The following CEP192 variants were observed in gnomAD, a reference collection of about 807,000 sequenced individuals.
The protein encoded by CEP192 is centrosomal protein 192.
CEP192 carries 151 observed loss-of-function variants against 271.8 expected under a neutral mutation model. That is an observed-to-expected ratio of 0.56 (90% confidence interval 0.49 to 0.64). The LOEUF is 0.64. Ranked by LOEUF, CEP192 falls within the 30% of genes least tolerant of loss-of-function variation. The pLI is 0.00. For synonymous variants in CEP192, 995 were observed against 1,076.5 expected, an observed-to-expected ratio of 0.92 and a Z score of 1.48; for missense variants, 2,910 against 3,020.5, an observed-to-expected ratio of 0.96 and a Z score of 0.86.
At chr18:13,057,064 T>G (rs1032591948) in intron 19 of CEP192, among the ~76,000 whole-genome samples, 1 of 152,184 alleles carries the variant, frequency 6.6e-6, no homozygotes, top group Non-Finnish European at 1.5e-5. Context: ...GGCAGCACTC[T>G]CGGGTGCATT....
At chr18:13,031,573 C>T (rs1001762125) in intron 11 of CEP192, among the ~76,000 whole-genome samples, 5 of 152,044 alleles carry the variant, frequency 3.3e-5, no homozygotes, top group Non-Finnish European at 5.9e-5. Flanking sequence ...AATAGGCTTG[C>T]GCCAGAGGAA....
Position 13,105,041 on chromosome 18 carries a change from C to T in CEP192, c.7009C>T (p.Pro2337Ser). 1.2e-6 allele frequency: 2 copies of T among 1,614,056 alleles called. No individual in the cohort carries two copies. The highest frequency in any genetic ancestry group is 1.7e-6 in the Non-Finnish European group (2 of 1,179,904). ...RATYAAFRCS[P>S]ISGLLESHGI... ...TACCTATGCAGCATTCAGATGTTCT[C>T]CTATTTCTGGTCTGCTGGAAAGCCA... The change falls in exon 40 of 45, where the codon CCT becomes TCT. Residue 2337 changes from proline (P) to serine (S), a missense_variant. Physicochemically the swap from Pro to Ser is moderately conservative, Grantham distance 74. Coordinates refer to ENST00000506447, the MANE Select transcript of CEP192 (RefSeq NM_032142.4).
rs2036691603 is a variant in CEP192, at chr18:13,049,994, C to T, written c.3017+103C>T. On this transcript the variant is annotated intron_variant, in intron 17 of 44. Transcript: ENST00000506447. ...AAAAATTATCTGTGCATTCGTCTCT[C>T]AAAGGTAACTCTTGTAAGCTGTGAA... The T allele has an allele frequency of 6.5e-6, 6 of 928,580 alleles. No individual in the cohort carries two copies. In the South Asian group the frequency reaches 1.1e-4, roughly 17 times the overall value. The allele number at this position is 928,580 out of a possible 1,614,324, so 57.5% of individuals were successfully genotyped here.
intron 33 of CEP192, among the ~76,000 whole-genome samples, chr18:13,090,998 A>G (rs914073713): frequency 5.3e-5 from 8 of 152,220 alleles, no homozygotes; most frequent in African/African-American, 1.9e-4. Flanking sequence ...CACTGGATGC[A>G]GAGGTACTGG....
intron 11 of CEP192, among the ~76,000 whole-genome samples, chr18:13,032,852 G>A (rs577839606): frequency 6.6e-6 from 1 of 152,320 alleles, no homozygotes; most frequent in Admixed American, 6.5e-5. Context: ...ATGAGAATGA[G>A]TGATGTGAAG....
At chr18:13,044,854 A>G (rs1408479585) in intron 15 of CEP192, among the ~76,000 whole-genome samples, 1 of 152,102 alleles carries the variant, frequency 6.6e-6, no homozygotes. Context: ...GCTTTTTTAA[A>G]GATTTTGGTA....
chr18:12,993,684 T>G (rs975818207), intron 1 of CEP192, among the ~76,000 whole-genome samples: 2 of 152,310 alleles, frequency 1.3e-5, no homozygotes, highest in East Asian at 3.9e-4. Context: ...GGGGCCAGAC[T>G]TGCCTAGGTG....
chr18:13,027,364 C>T (rs1250217324), intron 9 of CEP192, among the ~76,000 whole-genome samples: 3 of 152,174 alleles, frequency 2.0e-5, no homozygotes, highest in African/African-American at 7.2e-5. Flanking sequence ...GGTTGTGCTG[C>T]AAGTAAAACT....
chr18:13,016,793 C>G (rs897746297), intron 6 of CEP192, among the ~76,000 whole-genome samples: 6 of 152,138 alleles, frequency 3.9e-5, no homozygotes, highest in African/African-American at 1.4e-4. Flanking sequence ...CCTCCCTCCT[C>G]CCTCCTTCCT....
chr18:13,058,846 CT>C lies in CEP192; in HGVS notation c.4258-234del. Reference sequence around the variant, plus strand: ...GTGAGTGTAAGGGTCAATGTGCTTGCTTGGAGGTGGACTGGGGAGACAGCCT... The same window carrying C: ...GTGAGTGTAAGGGTCAATGTGCTTGCTGGAGGTGGACTGGGGAGACAGCCT... On this transcript the variant is annotated intron_variant, in intron 20 of 44. Coordinates refer to ENST00000506447, the MANE Select transcript of CEP192 (RefSeq NM_032142.4). The C allele has an allele frequency of 3.8e-5, 20 of 525,452 alleles. No individual in the cohort carries two copies. In the South Asian group the frequency reaches 4.2e-4, roughly 11 times the overall value. 32.5% of individuals were successfully genotyped at this position (525,452 alleles called of 1,614,324 possible).
At chr18:13,016,316 C>G (rs2034643803) in intron 6 of CEP192, among the ~76,000 whole-genome samples, 1 of 152,090 alleles carries the variant, frequency 6.6e-6, no homozygotes, top group African/African-American at 2.4e-5. Context: ...GCTGTAAGCA[C>G]GTGGGTTGTG....
intron 30 of CEP192, among the ~76,000 whole-genome samples, chr18:13,077,641 G>A (rs982284962): frequency 6.6e-6 from 1 of 152,170 alleles, no homozygotes; most frequent in African/African-American, 2.4e-5. Context: ...ACTCTAGTGT[G>A]CTGCTTCCTC....
chr18:13,059,335 T>G (rs765247462), intron 21 of CEP192, 23 bp downstream of exon 21: 4 of 1,568,958 alleles, frequency 2.5e-6, no homozygotes, highest in Admixed American at 1.7e-5. Flanking sequence ...AAATGAATCT[T>G]TGTCATACCT....
At chr18:13,120,628 T>C (rs2040617244) in intron 44 of CEP192, among the ~76,000 whole-genome samples, 1 of 152,240 alleles carries the variant, frequency 6.6e-6, no homozygotes, top group Non-Finnish European at 1.5e-5. Context: ...TTTAAAACTT[T>C]AATGCTTTGA....
Position 13,105,039 on chromosome 18 carries a change from C to T in CEP192, c.7007C>T (p.Ser2336Phe). ...FRATYAAFRC[S>F]PISGLLESHG... The stretch of plus-strand genomic sequence containing the variant: ...GCTACCTATGCAGCATTCAGATGTT[C>T]TCCTATTTCTGGTCTGCTGGAAAGC... The change falls in exon 40 of 45, where the codon TCT becomes TTT. Residue 2336 changes from serine (S) to phenylalanine (F), a missense_variant. By Grantham distance (155) the Ser-to-Phe change is radical. Coordinates refer to ENST00000506447, the MANE Select transcript of CEP192 (RefSeq NM_032142.4). 1 of 1,614,028 alleles carries T rather than the reference C, an allele frequency of 6.2e-7. No individual in the cohort carries two copies. The highest frequency in any genetic ancestry group is 1.1e-5 in the South Asian group (1 of 91,074).
intron 44 of CEP192, among the ~76,000 whole-genome samples, chr18:13,120,482 A>G (rs2040612098): frequency 6.6e-6 from 1 of 152,340 alleles, no homozygotes; most frequent in Admixed American, 6.5e-5. Context: ...CCTGTGTCAC[A>G]TTAATGGCAT....
At chr18:13,008,753 G>A (rs1211214171) in intron 4 of CEP192, 122 bp downstream of exon 4, 1 of 729,234 alleles carries the variant, frequency 1.4e-6, no homozygotes, top group Non-Finnish European at 2.2e-6. Flanking sequence ...GCCCAGGCTG[G>A]AGTGCAGTGG....
At chr18:13,025,320 G>A (rs1194469582) in intron 9 of CEP192, among the ~76,000 whole-genome samples, 2 of 151,798 alleles carry the variant, frequency 1.3e-5, no homozygotes, top group East Asian at 1.9e-4. Context: ...AAGCTCAAGC[G>A]ATCCTCCTGC....
chr18:13,001,501 C>T lies in CEP192; in HGVS notation c.209C>T (p.Ser70Leu). The change falls in exon 3 of 45, where the codon TCA (serine) becomes TTA (leucine). Residue 70 changes from serine (S) to leucine (L), a missense_variant. Coordinates refer to ENST00000506447, the MANE Select transcript of CEP192 (RefSeq NM_032142.4). ...QASYLVEGRFSVPSGSSPGSQ... is the reference protein window; with the variant it reads ...QASYLVEGRFLVPSGSSPGSQ... ...TCTTACTTAGTAGAAGGGAGATTTTCAGTTCCATCCGGGTCATCTCCCGGA... is the reference window on the plus strand; with the variant it reads ...TCTTACTTAGTAGAAGGGAGATTTTTAGTTCCATCCGGGTCATCTCCCGGA... 1 of 1,550,030 alleles carries T rather than the reference C, an allele frequency of 6.5e-7. No homozygotes were observed. The highest frequency in any genetic ancestry group is 2.0e-5 in the Admixed American group (1 of 50,930).
Sources: allele counts gnomAD v4.1 joint callset (sites outside exome capture counted in the v4.1 genomes callset), GRCh38; gene constraint gnomAD v4.1.1; transcripts MANE v1.5; gene names NCBI Gene and HGNC (gene_info 2026-07-23, HGNC 2026-07-21).